DNAH3: variants seen among roughly 807,000 people sequenced by gnomAD.
The protein encoded by DNAH3 is axonemal beta dynein heavy chain 3.
A neutral mutation model predicts 432.5 loss-of-function variants in DNAH3; 332 were observed. The observed-to-expected ratio is 0.77, with a 90% CI of 0.70 to 0.84. The LOEUF is 0.84. DNAH3 is among the 40% of genes least tolerant of loss of function. DNAH3 has a pLI of 0.00. For synonymous variants in DNAH3, 1,956 were observed against 1,900.2 expected, an observed-to-expected ratio of 1.03 and a Z score of -0.76; for missense variants, 4,861 against 5,114.0, an observed-to-expected ratio of 0.95 and a Z score of 1.51.
At chr16:20,971,934 T>C (rs1264647407) in intron 51 of DNAH3, among the ~76,000 whole-genome samples, 1 of 152,212 alleles carries the variant, frequency 6.6e-6, no homozygotes, top group African/African-American at 2.4e-5. Context: ...ACCCCCATTT[T>C]GTAGATGAAG....
intron 5 of DNAH3, among the ~76,000 whole-genome samples, chr16:21,138,417 C>T (rs1006180767): frequency 2.6e-5 from 4 of 152,120 alleles, no homozygotes; most frequent in African/African-American, 9.7e-5. Flanking sequence ...TGTTAAAATG[C>T]AGATTCCCAG....
At chr16:21,058,006 A>G (rs755896951) in intron 27 of DNAH3, 80 bp downstream of exon 27, 13 of 888,568 alleles carry the variant, frequency 1.5e-5, no homozygotes, top group Non-Finnish European at 2.5e-5. Flanking sequence ...ACAACAAAAC[A>G]TGGCTACTCT....
At chr16:20,975,140 C>G in intron 51 of DNAH3, 93 bp downstream of exon 51, 2 of 1,483,894 alleles carry the variant, frequency 1.3e-6, no homozygotes, top group Non-Finnish European at 1.8e-6. Context: ...CTTGCCTACC[C>G]TTTCTGAGCC....
At chr16:21,000,324 G>A in exon 43 of DNAH3, 2 of 1,614,224 alleles carry the variant, frequency 1.2e-6, no homozygotes, top group East Asian at 4.5e-5. Flanking sequence ...GATTGGCTGA[G>A]GTTCTGGCAG....
chr16:21,030,088 A>G (rs1305742474), intron 37 of DNAH3, among the ~76,000 whole-genome samples: 1 of 152,136 alleles, frequency 6.6e-6, no homozygotes, highest in African/African-American at 2.4e-5. Flanking sequence ...AGCCTCTAGA[A>G]GTGTTAGGAT....
rs1788741206 is a variant in DNAH3, at chr16:21,150,506, T to TCATA, written c.118-4422_118-4419dup. On this transcript the variant is annotated intron_variant, in intron 1 of 61. In the 5' UTR this introduces an upstream ATG that the reference lacks. Coordinates refer to ENST00000261383, the Ensembl canonical transcript of DNAH3. ...TGTTCATGAGGTTGCCTCTCTGAGG[T>TCATA]CATAGACTTTGGCCCGCTGAGGAGT... The TCATA allele has an allele frequency of 3.5e-6, 1 of 284,028 alleles. No individual in the cohort carries two copies. The highest frequency in any genetic ancestry group is 7.0e-6 in the Non-Finnish European group (1 of 143,664). The allele number at this position is 284,028 out of a possible 1,614,324, so 17.6% of individuals were successfully genotyped here. A position where few individuals can be genotyped will look rare whatever the true frequency, so the allele number is the denominator to read the frequency against.
At chr16:21,110,946 C>T (rs562736692) in intron 14 of DNAH3, among the ~76,000 whole-genome samples, 291 of 152,160 alleles carry the variant, frequency 1.9e-3, no homozygotes, top group African/African-American at 6.7e-3. Context: ...TTGAGGCTAC[C>T]GTGCACTGTG....
intron 16 of DNAH3, among the ~76,000 whole-genome samples, chr16:21,100,146 A>C (rs1450317623): frequency 1.3e-5 from 2 of 152,036 alleles, no homozygotes; most frequent in Non-Finnish European, 2.9e-5. Flanking sequence ...ATCTCGGCTC[A>C]TTGTAACCTC....
Position 20,938,669 on chromosome 16 carries a change from CA to C in DNAH3, c.11655-1817del, listed in dbSNP as rs901953556. Reference sequence around the variant, plus strand: ...CTTCCTATATCACTGGGTGAAAAGGCAAAAAAAAAAAAAAAAAAGGGAAAGA... The same window carrying C: ...CTTCCTATATCACTGGGTGAAAAGGCAAAAAAAAAAAAAAAAAGGGAAAGA... On this transcript the variant is annotated intron_variant, in intron 59 of 61. Coordinates refer to ENST00000261383, the Ensembl canonical transcript of DNAH3. 6.8e-3 allele frequency among the ~76,000 whole-genome samples: 554 copies of C among 81,902 alleles called. 5 individuals carry two copies. Among genetic ancestry groups the C allele is most frequent in the African/African-American group, 0.022 (474 of 21,510 alleles). The allele number at this position is 81,902 out of a possible 152,430, so 53.7% of individuals were successfully genotyped here. A position where few individuals can be genotyped will look rare whatever the true frequency, so the allele number is the denominator to read the frequency against.
intron 24 of DNAH3, among the ~76,000 whole-genome samples, chr16:21,065,586 T>C (rs1191204553): frequency 6.6e-6 from 1 of 152,190 alleles, no homozygotes; most frequent in African/African-American, 2.4e-5. Context: ...CCTTCCACTA[T>C]ACTGTGCTGT....
exon 25 of DNAH3, chr16:21,062,632 C>G: frequency 6.2e-7 from 1 of 1,614,068 alleles, no homozygotes. Flanking sequence ...GGAGAGGGTC[C>G]TTTGTCTCGG....
In DNAH3 at chr16:21,019,602, TAAC is replaced by T. The variant is rs2088047430; in HGVS notation, c.6022+19_6022+21del. On this transcript the variant is annotated intron_variant, in intron 41 of 61. Transcript: ENST00000261383. ...TAATTCCAACTATTATACTAGAACA[TAAC>T]AAACAGGTTCTAAATTACCTCTTTC... 1 of 1,613,636 alleles carries T rather than the reference TAAC, an allele frequency of 6.2e-7. No homozygotes were observed. The highest frequency in any genetic ancestry group is 2.2e-5 in the East Asian group (1 of 44,886).
At chr16:21,096,543 C>A (rs1471946378) in intron 18 of DNAH3, among the ~76,000 whole-genome samples, 1 of 152,164 alleles carries the variant, frequency 6.6e-6, no homozygotes, top group African/African-American at 2.4e-5. Context: ...TCCCACCCGC[C>A]AAATCTCTCT....
At chr16:21,044,049 A>G (rs1435597739) in intron 31 of DNAH3, among the ~76,000 whole-genome samples, 1 of 133,742 alleles carries the variant, frequency 7.5e-6, no homozygotes, top group Non-Finnish European at 1.6e-5. Flanking sequence ...TTTTGGTACC[A>G]GTACCATGCT....
At chr16:21,112,635 G>A (rs994423302) in intron 12 of DNAH3, among the ~76,000 whole-genome samples, 25 of 152,218 alleles carry the variant, frequency 1.6e-4, no homozygotes, top group Middle Eastern at 3.4e-3. Context: ...ACAACACGTG[G>A]GAATTCTAGG....
At chr16:21,042,838 C>T (rs1165444625) in intron 31 of DNAH3, among the ~76,000 whole-genome samples, 3 of 152,134 alleles carry the variant, frequency 2.0e-5, no homozygotes, top group Admixed American at 2.0e-4. Flanking sequence ...CACCCCACAA[C>T]GGTCCCCAGA....
chr16:20,978,655 T>G (rs1353071088), intron 50 of DNAH3, among the ~76,000 whole-genome samples: 1 of 152,166 alleles, frequency 6.6e-6, no homozygotes, highest in Non-Finnish European at 1.5e-5. Flanking sequence ...CACCTCAGCC[T>G]CCCAAGTAGT....
chr16:21,141,629 G>A lies in DNAH3; in HGVS notation c.449-257C>T, dbSNP rs181133190. On this transcript the variant is annotated intron_variant, in intron 3 of 61. Transcript: ENST00000261383. ...GTGGGGATGTGCGTATCTTCCATTC[G>A]TTCATACATTTGGCAAGAATTAATA... Among the ~76,000 whole-genome samples, 28 of 152,300 alleles carry A rather than the reference G, an allele frequency of 1.8e-4. No homozygotes were observed. The East Asian group carries it at 4.0e-3, about 22-fold the overall frequency.
chr16:21,075,553 G>A, exon 21 of DNAH3: 2 of 1,612,840 alleles, frequency 1.2e-6, no homozygotes, highest in Non-Finnish European at 1.7e-6. Flanking sequence ...TGCACCAATG[G>A]GCTCCAATCT....
Sources: allele counts gnomAD v4.1 joint callset (sites outside exome capture counted in the v4.1 genomes callset), GRCh38; gene constraint gnomAD v4.1.1; transcripts MANE v1.5; gene names NCBI Gene and HGNC (gene_info 2026-07-23, HGNC 2026-07-21).